The following CUX2 variants were observed in gnomAD, a reference collection of about 807,000 sequenced individuals.
CUX2 encodes the protein cut like homeobox 2.
CUX2 carries 40 observed loss-of-function variants against 144.8 expected under a neutral mutation model. The ratio of observed to expected loss-of-function variants is 0.28; its 90% CI spans 0.21 to 0.36. The LOEUF is 0.36. Among genes scored for constraint, CUX2 ranks in the 10% least tolerant of loss-of-function variants. CUX2 has a pLI of 1.00. For missense variants in CUX2, 1,615 were observed against 1,994.0 expected, an observed-to-expected ratio of 0.81 and a Z score of 3.62; for synonymous variants, 827 against 875.6, an observed-to-expected ratio of 0.94 and a Z score of 0.98.
At chr12:111,133,093 C>G (rs1281269033) in intron 1 of CUX2, among the ~76,000 whole-genome samples, 1 of 152,186 alleles carries the variant, frequency 6.6e-6, no homozygotes. Flanking sequence ...GAGACCACCT[C>G]AGCCTCAACC....
intron 16 of CUX2, among the ~76,000 whole-genome samples, chr12:111,319,482 T>C (rs985608317): frequency 4.6e-5 from 7 of 152,034 alleles, no homozygotes; most frequent in Admixed American, 3.3e-4. Flanking sequence ...TTCATGCCTG[T>C]CATCTCAGCA....
chr12:111,214,074 C>T (rs1472059743), intron 1 of CUX2, 126 bp from the exon 2 acceptor site: 2 of 463,924 alleles, frequency 4.3e-6, no homozygotes, highest in Non-Finnish European at 7.6e-6. Context: ...CCTGTCTTTT[C>T]TCAGCTTTGT....
chr12:111,172,419 G>A (rs1224481584), intron 1 of CUX2, among the ~76,000 whole-genome samples: 2 of 152,260 alleles, frequency 1.3e-5, no homozygotes, highest in African/African-American at 4.8e-5. Flanking sequence ...GATTTGGGCT[G>A]TCCAAGCTGT....
chr12:111,152,289 A>T (rs1166471775), intron 1 of CUX2, among the ~76,000 whole-genome samples: 1 of 152,068 alleles, frequency 6.6e-6, no homozygotes, highest in East Asian at 1.9e-4. Context: ...TGTCTCAAAA[A>T]AAATAAATAA....
intron 1 of CUX2, among the ~76,000 whole-genome samples, chr12:111,151,342 A>G (rs1409554411): frequency 6.6e-6 from 1 of 152,230 alleles, no homozygotes; most frequent in Non-Finnish European, 1.5e-5. Context: ...TTAAATTGCT[A>G]CTGAAAAGGA....
rs530545835 is a variant in CUX2 at position 111,251,845 on chromosome 12, T to A, written c.223-11916T>A. Reference sequence around the variant, plus strand: ...CAGAGGGGTGCAGGGGATGTTCATGTGAGGACAAGACAATATCTGTCTGTC... The same window carrying A: ...CAGAGGGGTGCAGGGGATGTTCATGAGAGGACAAGACAATATCTGTCTGTC... On this transcript the variant is annotated intron_variant, in intron 3 of 21. Coordinates refer to ENST00000261726, the MANE Select transcript of CUX2 (RefSeq NM_015267.4). 1.1e-4 allele frequency among the ~76,000 whole-genome samples: 17 copies of A among 152,222 alleles called. 1 individual carries two copies. The highest frequency in any genetic ancestry group is 1.0e-3 in the South Asian group (5 of 4,808).
intron 1 of CUX2, among the ~76,000 whole-genome samples, chr12:111,187,894 G>A (rs1879646459): frequency 6.6e-6 from 1 of 152,226 alleles, no homozygotes; most frequent in South Asian, 2.1e-4. Flanking sequence ...GTCCAACAGA[G>A]CCCCAGGTGG....
intron 9 of CUX2, among the ~76,000 whole-genome samples, chr12:111,301,704 A>G (rs1470398584): frequency 6.6e-6 from 1 of 152,124 alleles, no homozygotes; most frequent in African/African-American, 2.4e-5. Context: ...GTATCTTGCT[A>G]TGTTGCCCAA....
chr12:111,116,250 G>A (rs1464095715), intron 1 of CUX2, among the ~76,000 whole-genome samples: 1 of 152,238 alleles, frequency 6.6e-6, no homozygotes, highest in Non-Finnish European at 1.5e-5. Flanking sequence ...CACAGCATCA[G>A]TCAGAGCATT....
chr12:111,215,375 T>TCCACCTCA (rs1881476860), intron 2 of CUX2, among the ~76,000 whole-genome samples: 1 of 152,160 alleles, frequency 6.6e-6, no homozygotes, highest in African/African-American at 2.4e-5. Flanking sequence ...AAGCCTCAGG[T>TCCACCTCA]CCACCTCAGG....
At chr12:111,259,612 C>T (rs73197984) in intron 3 of CUX2, among the ~76,000 whole-genome samples, 6,023 of 152,058 alleles carry the variant, frequency 0.04, 164 homozygotes, top group South Asian at 0.11. Context: ...ACCTGTATTC[C>T]CATCACTTTG....
intron 1 of CUX2, among the ~76,000 whole-genome samples, chr12:111,173,415 A>G (rs528909285): frequency 3.3e-5 from 5 of 152,356 alleles, no homozygotes; most frequent in African/African-American, 1.2e-4. Context: ...TCATTTGTTC[A>G]TTTGAGCATT....
intron 4 of CUX2, among the ~76,000 whole-genome samples, chr12:111,265,751 C>T (rs1429758507): frequency 2.0e-5 from 3 of 152,156 alleles, no homozygotes; most frequent in African/African-American, 4.8e-5. Context: ...TGGCAGAGCC[C>T]GGAGGAGGCC....
intron 3 of CUX2, among the ~76,000 whole-genome samples, chr12:111,235,062 G>A (rs922465113): frequency 6.6e-6 from 1 of 152,044 alleles, no homozygotes; most frequent in Admixed American, 6.6e-5. Flanking sequence ...TCAATAAAAC[G>A]GTACCTAGTA....
Position 111,214,236 on chromosome 12 carries a change from C to T in CUX2, c.100C>T (p.Arg34Trp), listed in dbSNP as rs199531850. ...LNSVASELSA[R>W]QEESEHSHKH... Reference sequence around the variant, plus strand: ...TTCCGTCGCTTCTGAGCTGTCTGCACGGCAGGAGGAGAGTGAACATTCTCA... The same window carrying T: ...TTCCGTCGCTTCTGAGCTGTCTGCATGGCAGGAGGAGAGTGAACATTCTCA... The change falls in exon 2 of 22, where the codon CGG becomes TGG. Residue 34 changes from arginine to tryptophan, a missense_variant. Arg to Trp is a moderately radical substitution (Grantham distance 101, BLOSUM62 -3). This residue lies in a region of CUX2 where 64 missense variants were observed against 64.9 expected (regional missense o/e 0.99). Coordinates refer to ENST00000261726, the MANE Select transcript of CUX2 (RefSeq NM_015267.4). 3.0e-4 allele frequency: 488 copies of T among 1,603,310 alleles called. No homozygotes were observed. The highest frequency in any genetic ancestry group is 5.0e-4 in the Middle Eastern group (3 of 6,036).
intron 1 of CUX2, among the ~76,000 whole-genome samples, chr12:111,201,574 G>A (rs932838480): frequency 6.6e-6 from 1 of 152,110 alleles, no homozygotes; most frequent in Non-Finnish European, 1.5e-5. Flanking sequence ...GCATATTTGT[G>A]TGGCAGTCCT....
chr12:111,200,673 A>G (rs1292622276), intron 1 of CUX2, among the ~76,000 whole-genome samples: 1 of 152,106 alleles, frequency 6.6e-6, no homozygotes, highest in African/African-American at 2.4e-5. Flanking sequence ...TCAGACCCCA[A>G]AAGAATAGCC....
In CUX2 at chr12:111,304,368, T is replaced by C; in HGVS notation, c.858+54T>C. 2.1e-6 allele frequency: 3 copies of C among 1,448,668 alleles called. No homozygotes were observed. The highest frequency in any genetic ancestry group is 4.6e-5 in the East Asian group (2 of 43,104). The allele number at this position is 1,448,668 out of a possible 1,614,324, so 89.7% of individuals were successfully genotyped here. On this transcript the variant is annotated intron_variant, in intron 10 of 21. Transcript: ENST00000261726. This position sits in a 1 kb window ranked among gnomAD's most constrained non-coding sequence, Gnocchi z 4.7. ...GGAGGGCAGAGGGAAAGATCGGGAA[T>C]GGCTGAGTTTGCAGGTTTCAGCATG...
chr12:111,216,114 C>T (rs933972624), intron 2 of CUX2, among the ~76,000 whole-genome samples: 4 of 152,180 alleles, frequency 2.6e-5, no homozygotes, highest in East Asian at 1.9e-4. Context: ...GCAGATGAGG[C>T]GGCATGCTTC....
Sources: gnomAD v4.1 joint callset for allele counts (sites outside exome capture counted in the v4.1 genomes callset) on GRCh38, gnomAD v4.1.1 for gene constraint, gnomAD v4.1.1 regional missense constraint, Gnocchi (gnomAD v3.1) non-coding constraint, MANE v1.5 for transcripts, NCBI Gene and HGNC (gene_info 2026-07-23, HGNC 2026-07-21) for gene names.